NCAPD3: variants seen among roughly 807,000 people sequenced by gnomAD.
NCAPD3 encodes the protein non-SMC condensin II complex subunit D3.
In NCAPD3, 105 loss-of-function variants were observed where a neutral mutation model predicts 182.9. That is an observed-to-expected ratio of 0.57 (90% CI 0.49 to 0.68). The LOEUF is 0.68. NCAPD3 is among the 30% of genes least tolerant of loss of function. NCAPD3 has a pLI of 0.00. For missense variants in NCAPD3, 1,944 were observed against 1,837.0 expected (o/e 1.06, Z -1.07); for synonymous variants, 815 against 679.9 (o/e 1.20, Z -3.09).
intron 27 of NCAPD3, 91 bp downstream of exon 27, chr11:134,167,905 A>G: frequency 8.8e-7 from 1 of 1,136,396 alleles, no homozygotes; most frequent in South Asian, 1.4e-5. Context: ...TTGTGAGATG[A>G]GCTTGGGGGA....
chr11:134,224,952 A>C, upstream of NCAPD3: 1 of 366,064 alleles, frequency 2.7e-6, no homozygotes, highest in Non-Finnish European at 4.4e-6. Flanking sequence ...TCCCCCGTGG[A>C]GCCGGCTGTC....
At chr11:134,176,246 T>A in intron 24 of NCAPD3, 61 bp downstream of exon 24, 1 of 1,458,280 alleles carries the variant, frequency 6.9e-7, no homozygotes, top group South Asian at 1.2e-5. Flanking sequence ...AAAAAAGAAA[T>A]CCAGCATACA....
chr11:134,156,955 C>CAT (rs774370970), intron 32 of NCAPD3, 63 bp downstream of exon 32: 105 of 1,423,198 alleles, frequency 7.4e-5, no homozygotes, highest in Non-Finnish European at 9.6e-5. Flanking sequence ...GCGACTCTAG[C>CAT]AAACACATCA....
chr11:134,174,382 C>CAAAAAAAAAAAAAAAAAAAAAAA (rs34533048), intron 24 of NCAPD3, among the ~76,000 whole-genome samples: 1 of 53,620 alleles, frequency 1.9e-5, no homozygotes, highest in Non-Finnish European at 3.2e-5. Flanking sequence ...GACCCTGTCT[C>CAAAAAAAAAAAAAAAAAAAAAAA]AAAAAAAAAA....
chr11:134,196,891 C>T (rs563745316), intron 13 of NCAPD3, among the ~76,000 whole-genome samples: 1 of 152,100 alleles, frequency 6.6e-6, no homozygotes, highest in Non-Finnish European at 1.5e-5. Flanking sequence ...CAAAACATCT[C>T]AAGAAAACAA....
At chr11:134,159,608 G>A (rs916204451) in intron 29 of NCAPD3, among the ~76,000 whole-genome samples, 1 of 152,180 alleles carries the variant, frequency 6.6e-6, no homozygotes, top group Admixed American at 6.5e-5. Context: ...GGAAGATGCG[G>A]ACACACTGAC....
chr11:134,191,536 C>G (rs1944524139), intron 16 of NCAPD3, among the ~76,000 whole-genome samples: 1 of 152,158 alleles, frequency 6.6e-6, no homozygotes, highest in Non-Finnish European at 1.5e-5. Flanking sequence ...AATTTTAAAA[C>G]CTCCCAACAG....
intron 3 of NCAPD3, among the ~76,000 whole-genome samples, chr11:134,214,344 T>A (rs1937943059): frequency 6.6e-6 from 1 of 152,168 alleles, no homozygotes; most frequent in Admixed American, 6.5e-5. Flanking sequence ...AAGAAAAATT[T>A]GAAAATCACT....
chr11:134,167,122 T>A (rs34639098), intron 27 of NCAPD3, among the ~76,000 whole-genome samples: 9 of 87,482 alleles, frequency 1.0e-4, no homozygotes, highest in South Asian at 4.3e-4. Flanking sequence ...CACACTCACT[T>A]GTGAGATGAG....
chr11:134,211,181 C>A (rs1937820241), intron 3 of NCAPD3, among the ~76,000 whole-genome samples: 1 of 152,198 alleles, frequency 6.6e-6, no homozygotes, highest in Non-Finnish European at 1.5e-5. Context: ...CACACCTTAA[C>A]AGTAGGGCTA....
chr11:134,158,547 A>C (rs1181286429), intron 29 of NCAPD3, 52 bp from the exon 30 acceptor site: 1 of 1,555,864 alleles, frequency 6.4e-7, no homozygotes. Context: ...TAAGTTTTCA[A>C]AAACGGATAT....
intron 28 of NCAPD3, 90 bp downstream of exon 28, chr11:134,161,691 A>G (rs989920710): frequency 2.6e-6 from 2 of 772,432 alleles, no homozygotes; most frequent in Admixed American, 5.5e-5. Context: ...CTAATCATTC[A>G]CGGATTGCCT....
chr11:134,166,925 T>G (rs1395503217), intron 27 of NCAPD3, among the ~76,000 whole-genome samples: 22 of 81,796 alleles, frequency 2.7e-4, no homozygotes, highest in South Asian at 4.6e-4. Context: ...ACTCGTGAGA[T>G]GAGCTTAGGG....
chr11:134,161,398 G>A (rs762274083), intron 28 of NCAPD3, among the ~76,000 whole-genome samples: 2 of 152,160 alleles, frequency 1.3e-5, no homozygotes, highest in African/African-American at 4.8e-5. Flanking sequence ...GTGAATCTGA[G>A]TCAGTGCAAA....
intron 3 of NCAPD3, among the ~76,000 whole-genome samples, chr11:134,212,370 T>C (rs976728814): frequency 7.0e-6 from 1 of 143,698 alleles, no homozygotes; most frequent in African/African-American, 2.7e-5. Context: ...ATACTTTTTG[T>C]TGTTTTGTGT....
intron 4 of NCAPD3, chr11:134,209,753 C>T (rs1028247995): frequency 2.8e-5 from 10 of 354,384 alleles, no homozygotes; most frequent in South Asian, 8.3e-5. Context: ...GTCATTCTAC[C>T]GTGTCACATA....
intron 13 of NCAPD3, among the ~76,000 whole-genome samples, chr11:134,199,102 T>C (rs1944695687): frequency 1.3e-5 from 2 of 151,932 alleles, no homozygotes; most frequent in Admixed American, 6.6e-5. Flanking sequence ...AAAATTCATA[T>C]GGAAATACAA....
intron 3 of NCAPD3, among the ~76,000 whole-genome samples, chr11:134,214,952 C>T (rs1937962731): frequency 6.6e-6 from 1 of 152,140 alleles, no homozygotes; most frequent in South Asian, 2.1e-4. Flanking sequence ...TGAATATAGA[C>T]AAAAAACCTT....
At chr11:134,191,602 C>T (rs943025766) in intron 16 of NCAPD3, among the ~76,000 whole-genome samples, 3 of 152,200 alleles carry the variant, frequency 2.0e-5, no homozygotes, top group Admixed American at 6.5e-5. Flanking sequence ...TGACTACTAC[C>T]TTTCATTACA....
Sources: gnomAD v4.1 joint callset for allele counts (sites outside exome capture counted in the v4.1 genomes callset) on GRCh38, gnomAD v4.1.1 for gene constraint, MANE v1.5 for transcripts, NCBI Gene and HGNC (gene_info 2026-07-23, HGNC 2026-07-21) for gene names.